Variants in VIPAS39 observed in about 807,000 individuals in gnomAD.
VIPAS39 encodes spermatogenesis-defective protein 39 homolog.
Under a neutral mutation model 84.7 loss-of-function variants are expected in VIPAS39, and 63 were observed. That is an observed-to-expected ratio of 0.74 (90% confidence interval 0.61 to 0.92). The LOEUF is 0.92. Among genes scored for constraint, VIPAS39 ranks in the 40% least tolerant of loss-of-function variants. The pLI, the probability that VIPAS39 is intolerant of heterozygous loss-of-function variation, is 0.00. For synonymous variants in VIPAS39, 192 were observed against 216.5 expected (o/e 0.89, Z 0.99); for missense variants, 499 against 604.5 (o/e 0.83, Z 1.83).
Position 77,428,439 on chromosome 14 carries a change from T to C in VIPAS39, c.1392A>G (p.Leu464=), listed in dbSNP as rs1396091971. 1 of 1,614,132 alleles carries C rather than the reference T, an allele frequency of 6.2e-7. No individual in the cohort carries two copies. Among genetic ancestry groups the C allele is most frequent in the Middle Eastern group, 1.6e-4 (1 of 6,062 alleles). ...CTTTATCTACCTTACTCCTGTATGC[T>C]AGCAACTGTTGACGATCCTTCAGGT... ...YRDLKDRQQL[L]AYRSKVDKGS... is the part of the protein sequence containing the mutation. Residue 464 remains leucine, a synonymous_variant, in exon 19 of 20, where the codon CTA becomes CTG. Coordinates refer to ENST00000557658, the MANE Select transcript of VIPAS39 (RefSeq NM_001193315.2).
intron 1 of VIPAS39, chr14:77,456,948 G>C (rs1594933719): frequency 2.1e-6 from 1 of 467,284 alleles, no homozygotes; most frequent in African/African-American, 2.0e-5. Flanking sequence ...TCAGAGGTTT[G>C]TCTTTATCGT....
intron 16 of VIPAS39, 33 bp from the exon 17 acceptor site, chr14:77,429,800 G>C (rs1367748673): frequency 2.5e-6 from 4 of 1,577,166 alleles, no homozygotes; most frequent in Non-Finnish European, 3.5e-6. Context: ...CGGCAGGTAG[G>C]CCAGGCACAC....
Position 77,457,418 on chromosome 14 carries a change from A to C in VIPAS39, c.-1+77T>G, listed in dbSNP as rs1180352502. ...CATAGGGTGTAGGGATGCCTCCTAG[A>C]AGAGGGGAAAAGATCAAGATGCGGA... On this transcript the variant is annotated intron_variant, in intron 1 of 19. Transcript: ENST00000557658. 1.9e-5 allele frequency: 29 copies of C among 1,533,544 alleles called. 1 individual carries two copies. The South Asian group carries it at 3.5e-4, about 18-fold the overall frequency. 95.0% of individuals were successfully genotyped at this position (1,533,544 alleles called of 1,614,324 possible).
intron 11 of VIPAS39, among the ~76,000 whole-genome samples, chr14:77,438,750 A>T (rs182354613): frequency 2.6e-5 from 4 of 152,338 alleles, no homozygotes; most frequent in African/African-American, 7.2e-5. Context: ...CATGTACATG[A>T]TCAATGGTAG....
At chr14:77,437,391 T>G (rs1292547930) in intron 12 of VIPAS39, among the ~76,000 whole-genome samples, 1 of 152,184 alleles carries the variant, frequency 6.6e-6, no homozygotes, top group Non-Finnish European at 1.5e-5. Flanking sequence ...TCTTGGACTT[T>G]GGGGTTTCAA....
chr14:77,439,680 A>G (rs1287956877), intron 11 of VIPAS39, among the ~76,000 whole-genome samples: 1 of 152,084 alleles, frequency 6.6e-6, no homozygotes, highest in Non-Finnish European at 1.5e-5. Context: ...AGTCCCAGCT[A>G]CTTGGGAGCC....
chr14:77,449,403 G>T (rs1316167758), intron 5 of VIPAS39, 46 bp from the exon 6 acceptor site: 7 of 1,605,842 alleles, frequency 4.4e-6, no homozygotes, highest in Non-Finnish European at 6.0e-6. Context: ...CATGAATCCT[G>T]CTTGTCATTC....
In VIPAS39 at chr14:77,428,423, C is replaced by A; in HGVS notation, c.1408G>T (p.Val470Leu). The A allele has an allele frequency of 4.3e-6, 7 of 1,614,132 alleles. No homozygotes were observed. Among genetic ancestry groups the A allele is most frequent in the Non-Finnish European group, 5.9e-6 (7 of 1,180,018 alleles). ...RQQLLAYRSKVDKGSAEEEKI... is the reference protein window; with the variant it reads ...RQQLLAYRSKLDKGSAEEEKI... ...TCCTCCTCTGCTGATCCTTTATCTACCTTACTCCTGTATGCTAGCAACTGT... is the reference window on the plus strand; with the variant it reads ...TCCTCCTCTGCTGATCCTTTATCTAACTTACTCCTGTATGCTAGCAACTGT... The change falls in exon 19 of 20, where the codon GTA becomes TTA. Residue 470 changes from valine to leucine, a missense_variant. Coordinates refer to ENST00000557658, the MANE Select transcript of VIPAS39 (RefSeq NM_001193315.2).
At chr14:77,446,639 A>G (rs150320766) in intron 7 of VIPAS39, among the ~76,000 whole-genome samples, 238 of 152,302 alleles carry the variant, frequency 1.6e-3, no homozygotes, top group African/African-American at 5.6e-3. Flanking sequence ...AGCCAAAACA[A>G]TTTTGGAAGA....
chr14:77,446,371 A>G (rs2078790296), intron 7 of VIPAS39, among the ~76,000 whole-genome samples: 1 of 152,050 alleles, frequency 6.6e-6, no homozygotes, highest in Admixed American at 6.6e-5. Flanking sequence ...TGATGCAATC[A>G]CAGCTCACTG....
chr14:77,456,105 A>G (rs1182167246), intron 1 of VIPAS39, among the ~76,000 whole-genome samples: 4 of 152,252 alleles, frequency 2.6e-5, no homozygotes, highest in Admixed American at 2.6e-4. Flanking sequence ...AGTAAATACT[A>G]AATGTTATTT....
In VIPAS39 at chr14:77,441,036, G is replaced by T. The variant is rs772836076; in HGVS notation, c.762+30C>A. The T allele has an allele frequency of 1.9e-6, 3 of 1,608,268 alleles. No individual in the cohort carries two copies. The Admixed American group carries it at 5.0e-5, about 27-fold the overall frequency. On this transcript the variant is annotated intron_variant, in intron 11 of 19. Coordinates refer to ENST00000557658, the MANE Select transcript of VIPAS39 (RefSeq NM_001193315.2). The stretch of plus-strand genomic sequence containing the variant: ...CCCAGCCTAGATTTCTGTTAAACAG[G>T]TACCCAACTGAAACAAAGGCCACAC...
chr14:77,449,395 T>A (rs2078847717), intron 5 of VIPAS39, 38 bp from the exon 6 acceptor site: 1 of 1,609,778 alleles, frequency 6.2e-7, no homozygotes, highest in Non-Finnish European at 8.5e-7. Context: ...AAGGGCACCA[T>A]GAATCCTGCT....
chr14:77,442,441 C>T (rs555087196), intron 10 of VIPAS39, 119 bp downstream of exon 10: 1 of 871,558 alleles, frequency 1.1e-6, no homozygotes, highest in East Asian at 2.4e-5. Context: ...ACTTCAATAG[C>T]TTGTCTTCCA....
chr14:77,449,662 T>A (rs2078851584), intron 5 of VIPAS39, 52 bp downstream of exon 5: 2 of 1,608,882 alleles, frequency 1.2e-6, no homozygotes, highest in Non-Finnish European at 1.7e-6. Flanking sequence ...CCCCAGACTG[T>A]ACCAGATCAG....
chr14:77,452,741 T>C (rs1052431418), intron 3 of VIPAS39, among the ~76,000 whole-genome samples: 6 of 144,188 alleles, frequency 4.2e-5, no homozygotes, highest in East Asian at 2.1e-4. Flanking sequence ...GATCGCGCCA[T>C]TGCACTCCAG....
At chr14:77,429,562 A>G in intron 17 of VIPAS39, 119 bp downstream of exon 17, 1 of 1,041,350 alleles carries the variant, frequency 9.6e-7, no homozygotes, top group South Asian at 1.3e-5. Context: ...TATTGCAGCC[A>G]TTGTGCTGCC....
intron 1 of VIPAS39, 40 bp from the exon 2 acceptor site, chr14:77,454,142 C>T: frequency 7.5e-6 from 12 of 1,591,984 alleles, no homozygotes; most frequent in Non-Finnish European, 9.5e-6. Flanking sequence ...CTTTCTGGGT[C>T]TCTCCCTAAA....
intron 11 of VIPAS39, among the ~76,000 whole-genome samples, chr14:77,439,764 G>GAA (rs371592424): frequency 6.9e-6 from 1 of 145,182 alleles, no homozygotes; most frequent in African/African-American, 2.5e-5. Flanking sequence ...AGCCTGTCTC[G>GAA]AAAAAAAAAA....
Sources: gnomAD v4.1 joint callset for allele counts (sites outside exome capture counted in the v4.1 genomes callset) on GRCh38, gnomAD v4.1.1 for gene constraint, MANE v1.5 for transcripts, NCBI Gene and HGNC (gene_info 2026-07-23, HGNC 2026-07-21) for gene names.